MAP3K19: variants seen among roughly 807,000 people sequenced by gnomAD.
MAP3K19 encodes SPS1/STE20-related protein kinase YSK4.
In MAP3K19, 91 loss-of-function variants were observed where a neutral mutation model predicts 114.4. That is an observed-to-expected ratio of 0.80 (90% CI 0.67 to 0.95). MAP3K19 has a LOEUF of 0.95. Ranked by LOEUF, MAP3K19 falls within the 40% of genes least tolerant of loss-of-function variation. The pLI is 0.00. For synonymous variants in MAP3K19, 518 were observed against 530.5 expected (o/e 0.98, Z 0.32); for missense variants, 1,471 against 1,573.2 (o/e 0.94, Z 1.10).
In MAP3K19 at chr2:134,987,310, G is replaced by A. The variant is rs1007688673; in HGVS notation, c.1562C>T (p.Pro521Leu). 1.2e-6 allele frequency: 2 copies of A among 1,614,060 alleles called. No individual in the cohort carries two copies. The highest frequency in any genetic ancestry group is 8.5e-7 in the Non-Finnish European group (1 of 1,180,008). ...TIHNNHSVNI[P>L]VHQENDKHKM... ...ATGCTTGTCATTTTCTTGGTGTACAGGTATGTTGACACTATGGTTGTTATG... is the reference window on the plus strand; with the variant it reads ...ATGCTTGTCATTTTCTTGGTGTACAAGTATGTTGACACTATGGTTGTTATG... Residue 521 changes from proline (P) to leucine (L), a missense_variant, in exon 10 of 13, where the codon CCT (proline) becomes CTT (leucine). Coordinates refer to ENST00000392915, the MANE Select transcript of MAP3K19 (RefSeq NM_025052.5).
chr2:135,015,617 G>A (rs553016270), intron 5 of MAP3K19, among the ~76,000 whole-genome samples: 5 of 152,044 alleles, frequency 3.3e-5, no homozygotes, highest in South Asian at 2.1e-4. Context: ...ATTGTTGGCC[G>A]GGCACAGTGG....
At chr2:134,967,885 C>A (rs574058885) in intron 12 of MAP3K19, among the ~76,000 whole-genome samples, 10 of 146,682 alleles carry the variant, frequency 6.8e-5, no homozygotes, top group Admixed American at 2.7e-4. Context: ...TTTTATTGAT[C>A]ATTCTTGGGT....
intron 3 of MAP3K19, among the ~76,000 whole-genome samples, chr2:135,027,862 A>T (rs1380315238): frequency 6.6e-6 from 1 of 152,228 alleles, no homozygotes; most frequent in Non-Finnish European, 1.5e-5. Flanking sequence ...CCAGAAAGAC[A>T]GATCTGGGTT....
At chr2:135,019,970 TG>T (rs1206874257) in intron 5 of MAP3K19, among the ~76,000 whole-genome samples, 5 of 152,196 alleles carry the variant, frequency 3.3e-5, no homozygotes, top group Non-Finnish European at 7.3e-5. Flanking sequence ...ACCTCCTTTT[TG>T]GTACCCTGTG....
chr2:135,020,485 AAT>A (rs1276728363), intron 5 of MAP3K19, among the ~76,000 whole-genome samples: 1 of 152,104 alleles, frequency 6.6e-6, no homozygotes, highest in Non-Finnish European at 1.5e-5. Context: ...ATGACCAGCT[AAT>A]TTTTTTTATT....
At chr2:135,038,558 A>G (rs1688580448) in intron 2 of MAP3K19, among the ~76,000 whole-genome samples, 1 of 152,012 alleles carries the variant, frequency 6.6e-6, no homozygotes, top group Non-Finnish European at 1.5e-5. Context: ...CATTAGATAA[A>G]AATATATGCC....
chr2:135,038,209 G>T (rs1688573431), intron 2 of MAP3K19, among the ~76,000 whole-genome samples: 1 of 152,050 alleles, frequency 6.6e-6, no homozygotes, highest in South Asian at 2.1e-4. Flanking sequence ...CCACCCAGAT[G>T]TCCACCAGAG....
At chr2:134,984,385 T>C (rs1278336716) in intron 10 of MAP3K19, among the ~76,000 whole-genome samples, 1 of 152,082 alleles carries the variant, frequency 6.6e-6, no homozygotes, top group African/African-American at 2.4e-5. Context: ...CATGCACACA[T>C]ATATATCATA....
At chr2:135,005,739 C>T (rs1333676280) in intron 5 of MAP3K19, among the ~76,000 whole-genome samples, 1 of 152,126 alleles carries the variant, frequency 6.6e-6, no homozygotes. Flanking sequence ...ATTGCATAAT[C>T]AAAAATGAGG....
chr2:135,017,742 G>GA (rs34115697), intron 5 of MAP3K19, among the ~76,000 whole-genome samples: 44,950 of 151,872 alleles, frequency 0.3, 9,641 homozygotes, highest in African/African-American at 0.59. Context: ...CCTTTCTCTG[G>GA]AAATTAGGTT....
chr2:134,976,746 G>T (rs1300693905), intron 12 of MAP3K19, among the ~76,000 whole-genome samples: 2 of 131,724 alleles, frequency 1.5e-5, no homozygotes, highest in East Asian at 4.1e-4. Flanking sequence ...CATTTCAAAA[G>T]TAAAAAAAAA....
chr2:134,996,392 C>T (rs528608070), intron 8 of MAP3K19, among the ~76,000 whole-genome samples: 1 of 151,154 alleles, frequency 6.6e-6, no homozygotes, highest in South Asian at 2.1e-4. Flanking sequence ...TGGCTATGTG[C>T]CAGGTATGAT....
chr2:134,993,298 A>G (rs111493514), intron 8 of MAP3K19, among the ~76,000 whole-genome samples: 6 of 152,382 alleles, frequency 3.9e-5, no homozygotes, highest in African/African-American at 1.4e-4. Flanking sequence ...TTAACACAGT[A>G]GAAAAGCCAA....
intron 5 of MAP3K19, among the ~76,000 whole-genome samples, chr2:135,021,141 A>C (rs998490591): frequency 1.3e-5 from 2 of 151,954 alleles, no homozygotes; most frequent in Non-Finnish European, 2.9e-5. Context: ...TTTGTGTCCC[A>C]CCAAAATTTA....
At chr2:135,004,181 G>A (rs960938787) in intron 6 of MAP3K19, among the ~76,000 whole-genome samples, 3 of 152,148 alleles carry the variant, frequency 2.0e-5, no homozygotes, top group African/African-American at 7.2e-5. Flanking sequence ...CAGAATAAAT[G>A]AAATATTTAA....
chr2:135,013,551 T>G (rs1687384931), intron 5 of MAP3K19, among the ~76,000 whole-genome samples: 1 of 152,172 alleles, frequency 6.6e-6, no homozygotes, highest in Non-Finnish European at 1.5e-5. Context: ...GTAGTTTCAG[T>G]GCCCTAAAAA....
rs1688350960 is a variant in MAP3K19, at chr2:135,030,341, C to T, written c.-124G>A. On this transcript the variant is annotated 5_prime_UTR_variant, in exon 3 of 13. Transcript: ENST00000392915. The stretch of plus-strand genomic sequence containing the variant: ...AAATGTTGAACTTGCTCAAGATCAC[C>T]TTGCCATGAACTTTGTAGAAGTTGC... 1 of 152,616 alleles carries T rather than the reference C, an allele frequency of 6.6e-6. No homozygotes were observed. The highest frequency in any genetic ancestry group is 6.5e-5 in the Admixed American group (1 of 15,276). The allele number at this position is 152,616 out of a possible 1,614,324, so 9.5% of individuals were successfully genotyped here.
At chr2:135,033,677 A>AT (rs1574054530) in intron 2 of MAP3K19, among the ~76,000 whole-genome samples, 2 of 130 alleles carry the variant, frequency 0.015, no homozygotes, top group Admixed American at 0.071. Flanking sequence ...CACCCCCCGG[A>AT]CGGGCGGCCG....
In MAP3K19 at chr2:134,983,656, A is replaced by T. The variant is rs773655615; in HGVS notation, c.3222+20T>A. The T allele has an allele frequency of 1.3e-6, 2 of 1,515,450 alleles. No individual in the cohort carries two copies. Among genetic ancestry groups the T allele is most frequent in the Admixed American group, 4.6e-5 (2 of 43,290 alleles). 93.9% of individuals were successfully genotyped at this position (1,515,450 alleles called of 1,614,324 possible). ...TGGGGGGGTGGGGAGTGCTGATTTC[A>T]AGTTTCCAGTTTAACTTACTGTGCC... On this transcript the variant is annotated intron_variant, in intron 11 of 12. Coordinates refer to ENST00000392915, the MANE Select transcript of MAP3K19 (RefSeq NM_025052.5).
Sources: allele counts gnomAD v4.1 joint callset (sites outside exome capture counted in the v4.1 genomes callset), GRCh38; gene constraint gnomAD v4.1.1; transcripts MANE v1.5; gene names NCBI Gene and HGNC (gene_info 2026-07-23, HGNC 2026-07-21).